CHCHD6: variants seen among roughly 807,000 people sequenced by gnomAD.
CHCHD6 encodes MICOS complex subunit MIC25.
Under a neutral mutation model 32.3 loss-of-function variants are expected in CHCHD6, and 28 were observed. That is an observed-to-expected ratio of 0.87 (90% CI 0.64 to 1.19). CHCHD6 has a LOEUF of 1.19. Among genes scored for constraint, CHCHD6 ranks in the 50% most tolerant of loss-of-function variants. The pLI is 0.00. For missense variants in CHCHD6, 333 were observed against 307.0 expected, an observed-to-expected ratio of 1.08 and a Z score of -0.63; for synonymous variants, 122 against 117.5, an observed-to-expected ratio of 1.04 and a Z score of -0.25.
At chr3:126,718,358 C>T (rs1935123034) in intron 1 of CHCHD6, among the ~76,000 whole-genome samples, 1 of 152,226 alleles carries the variant, frequency 6.6e-6, no homozygotes, top group African/African-American at 2.4e-5. Flanking sequence ...ATTGTACCAA[C>T]TGCTTTGTGT....
At chr3:126,950,792 G>GA (rs1315139908) in intron 6 of CHCHD6, among the ~76,000 whole-genome samples, 1 of 152,206 alleles carries the variant, frequency 6.6e-6, no homozygotes, top group African/African-American at 2.4e-5. Flanking sequence ...CTGCACAGAG[G>GA]AATGGCTATG....
chr3:126,803,897 G>T (rs1221711902), intron 4 of CHCHD6, among the ~76,000 whole-genome samples: 3 of 152,174 alleles, frequency 2.0e-5, no homozygotes, highest in Non-Finnish European at 1.5e-5. Context: ...CTAGAACTCA[G>T]GATTAAGAAA....
intron 6 of CHCHD6, among the ~76,000 whole-genome samples, chr3:126,936,282 G>A (rs937331207): frequency 2.6e-5 from 4 of 152,016 alleles, no homozygotes; most frequent in Middle Eastern, 3.2e-3. Context: ...CTTGCAGAGC[G>A]AAGGGGAGGA....
At chr3:126,847,065 T>C (rs530380007) in intron 4 of CHCHD6, among the ~76,000 whole-genome samples, 37 of 152,320 alleles carry the variant, frequency 2.4e-4, no homozygotes, top group African/African-American at 8.9e-4. Context: ...AAGGGTGAGA[T>C]TAATCAGTTC....
At position 126,927,753 on chromosome 3, in the gene CHCHD6, T is replaced by C. The variant is rs545223415; in HGVS notation, c.566+13003T>C. Among the ~76,000 whole-genome samples the C allele has an allele frequency of 5.3e-5, 8 of 152,366 alleles. No individual in the cohort carries two copies. The South Asian group carries it at 1.7e-3, about 32-fold the overall frequency. On this transcript the variant is annotated intron_variant, in intron 6 of 7. Coordinates refer to ENST00000290913, the MANE Select transcript of CHCHD6 (RefSeq NM_032343.3). ...TAGCTTCTGGAGGGATTAAATGTTA[T>C]TACAGTTGAGGAATCTTTTTTTCTT...
chr3:126,916,659 C>A (rs547200796), intron 6 of CHCHD6, among the ~76,000 whole-genome samples: 4 of 152,214 alleles, frequency 2.6e-5, no homozygotes, highest in African/African-American at 7.2e-5. Flanking sequence ...ACCCTGCCCC[C>A]ACTGGTGGTC....
chr3:126,748,964 C>A (rs893182468), intron 4 of CHCHD6, among the ~76,000 whole-genome samples: 1 of 152,042 alleles, frequency 6.6e-6, no homozygotes, highest in African/African-American at 2.4e-5. Context: ...ATAGTGATGC[C>A]CTAATTTAGA....
At chr3:126,790,299 T>C (rs569382192) in intron 4 of CHCHD6, among the ~76,000 whole-genome samples, 9 of 152,138 alleles carry the variant, frequency 5.9e-5, no homozygotes, top group Non-Finnish European at 1.2e-4. Flanking sequence ...CAGTTATGTG[T>C]CTTGGAGTTG....
rs1935744830 is a variant in CHCHD6 at position 126,730,545 on chromosome 3, T to A, written c.197-16T>A. On this transcript the variant is annotated splice_polypyrimidine_tract_variant and intron_variant, in intron 2 of 7. Transcript: ENST00000290913. ...GGGGTGCCACTGACAGGCCCTTTCTTCTCTTTCCTTTGCAGAATCCACACT... is the reference window on the plus strand; with the variant it reads ...GGGGTGCCACTGACAGGCCCTTTCTACTCTTTCCTTTGCAGAATCCACACT... 6.2e-7 allele frequency: 1 copy of A among 1,612,312 alleles called. No homozygotes were observed. Among genetic ancestry groups the A allele is most frequent in the Non-Finnish European group, 8.5e-7 (1 of 1,178,976 alleles).
intron 4 of CHCHD6, among the ~76,000 whole-genome samples, chr3:126,797,909 A>G (rs929486752): frequency 6.6e-6 from 1 of 152,160 alleles, no homozygotes; most frequent in Non-Finnish European, 1.5e-5. Context: ...CCTCCGTGCC[A>G]GTGTCTGGCT....
At chr3:126,786,226 A>G (rs1938204000) in intron 4 of CHCHD6, among the ~76,000 whole-genome samples, 2 of 152,128 alleles carry the variant, frequency 1.3e-5, no homozygotes, top group African/African-American at 4.8e-5. Flanking sequence ...CCAGTCTATC[A>G]TTGTTGGACA....
intron 4 of CHCHD6, among the ~76,000 whole-genome samples, chr3:126,836,345 G>A (rs567820286): frequency 2.6e-5 from 4 of 152,194 alleles, no homozygotes; most frequent in South Asian, 4.2e-4. Context: ...TAAGATCTTC[G>A]TGGCCTTCTA....
At chr3:126,876,500 T>A (rs932953389) in intron 5 of CHCHD6, among the ~76,000 whole-genome samples, 2 of 152,262 alleles carry the variant, frequency 1.3e-5, no homozygotes, top group Admixed American at 1.3e-4. Flanking sequence ...TTTTGTGACA[T>A]TTTTTAAAGT....
chr3:126,763,611 G>A (rs950316986), intron 4 of CHCHD6, among the ~76,000 whole-genome samples: 4 of 152,160 alleles, frequency 2.6e-5, no homozygotes, highest in African/African-American at 9.7e-5. Context: ...GAAGTGCTGG[G>A]CTTACAAGCA....
At chr3:126,771,351 T>A (rs1228987224) in intron 4 of CHCHD6, among the ~76,000 whole-genome samples, 2 of 151,812 alleles carry the variant, frequency 1.3e-5, no homozygotes, top group East Asian at 3.9e-4. Flanking sequence ...ACTACAGGCA[T>A]GTACCACCAC....
At chr3:126,893,967 G>A (rs758682804) in intron 5 of CHCHD6, among the ~76,000 whole-genome samples, 1 of 152,254 alleles carries the variant, frequency 6.6e-6, no homozygotes, top group African/African-American at 2.4e-5. Context: ...CTTGGCGGGA[G>A]CTGTGCTGCT....
rs574263552 is a variant in CHCHD6, at chr3:126,704,772, T to C, written c.87+373T>C. ...CATCTCGTTCTGGGTACGCGGTGTC[T>C]CCCACCTGGGCTTTGCCTGGGGACT... On this transcript the variant is annotated intron_variant, in intron 1 of 7. Coordinates refer to ENST00000290913, the MANE Select transcript of CHCHD6 (RefSeq NM_032343.3). Among the ~76,000 whole-genome samples, 8 of 152,190 alleles carry C rather than the reference T, an allele frequency of 5.3e-5. 1 individual carries two copies. The highest frequency in any genetic ancestry group is 8.8e-5 in the Non-Finnish European group (6 of 68,008).
intron 4 of CHCHD6, chr3:126,766,671 G>A (rs1937382158): frequency 2.8e-6 from 3 of 1,062,104 alleles, no homozygotes; most frequent in Middle Eastern, 3.0e-4. Flanking sequence ...TGGCCACAAT[G>A]ATGCTGCTCT....
chr3:126,789,597 G>C (rs898714776), intron 4 of CHCHD6, among the ~76,000 whole-genome samples: 1 of 152,082 alleles, frequency 6.6e-6, no homozygotes, highest in African/African-American at 2.4e-5. Context: ...TGTCTCTTTT[G>C]ATCTTTGTTG....
Sources: allele counts gnomAD v4.1 joint callset (sites outside exome capture counted in the v4.1 genomes callset), GRCh38; gene constraint gnomAD v4.1.1; transcripts MANE v1.5; gene names NCBI Gene and HGNC (gene_info 2026-07-23, HGNC 2026-07-21).